ZBTB8OS: variants seen among roughly 807,000 people sequenced by gnomAD.
The protein encoded by ZBTB8OS is tRNA-splicing ligase-activating factor archease.
ZBTB8OS carries 16 observed loss-of-function variants against 29.3 expected under a neutral mutation model. The observed-to-expected ratio is 0.55, with a 90% CI of 0.37 to 0.83. ZBTB8OS has a LOEUF of 0.83. Ranked by LOEUF, ZBTB8OS falls within the 40% of genes least tolerant of loss-of-function variation. ZBTB8OS has a pLI of 0.00. For missense variants in ZBTB8OS, 160 were observed against 196.9 expected (o/e 0.81, Z 1.12); for synonymous variants, 70 against 64.6 (o/e 1.08, Z -0.40).
intron 1 of ZBTB8OS, among the ~76,000 whole-genome samples, chr1:32,639,736 G>C (rs965907036): frequency 6.6e-6 from 1 of 151,784 alleles, no homozygotes; most frequent in South Asian, 2.1e-4. Flanking sequence ...TTCCAGTGTG[G>C]GCAACAGAGT....
chr1:32,630,782 C>A (rs112437367), intron 5 of ZBTB8OS, among the ~76,000 whole-genome samples: 1 of 151,656 alleles, frequency 6.6e-6, no homozygotes, highest in Non-Finnish European at 1.5e-5. Context: ...AGGGCTGATG[C>A]GGGCAGATCA....
chr1:32,649,848 G>A (rs1365967063), intron 1 of ZBTB8OS, among the ~76,000 whole-genome samples: 1 of 152,058 alleles, frequency 6.6e-6, no homozygotes, highest in African/African-American at 2.4e-5. Flanking sequence ...ATTTTTAGTA[G>A]AGACGGGGTT....
At chr1:32,635,421 A>G (rs1645881446) in intron 1 of ZBTB8OS, among the ~76,000 whole-genome samples, 1 of 151,890 alleles carries the variant, frequency 6.6e-6, no homozygotes, top group Admixed American at 6.6e-5. Flanking sequence ...ACAGGCGCAC[A>G]CCACCACACC....
At chr1:32,643,061 G>A (rs1283456627) in intron 1 of ZBTB8OS, among the ~76,000 whole-genome samples, 4 of 123,506 alleles carry the variant, frequency 3.2e-5, no homozygotes, top group South Asian at 3.0e-4. Flanking sequence ...GTGAGCCACC[G>A]TGCCTGGCCT....
intron 1 of ZBTB8OS, among the ~76,000 whole-genome samples, chr1:32,646,846 G>C (rs148800934): frequency 0.039 from 5,590 of 144,144 alleles, 221 homozygotes; most frequent in East Asian, 0.12. Context: ...AGACCATCCT[G>C]GCCAGCATGG....
chr1:32,644,704 C>CTTTT (rs1190646557), intron 1 of ZBTB8OS, among the ~76,000 whole-genome samples: 85 of 105,576 alleles, frequency 8.1e-4, no homozygotes, highest in Non-Finnish European at 9.9e-4. Flanking sequence ...CCACACCCAG[C>CTTTT]TTTTTTTTTT....
chr1:32,649,298 A>C (rs1285406510), intron 1 of ZBTB8OS, among the ~76,000 whole-genome samples: 2 of 152,028 alleles, frequency 1.3e-5, no homozygotes, highest in African/African-American at 2.4e-5. Context: ...TTTAAGTGAG[A>C]GAAGGGGATA....
At chr1:32,646,084 C>A (rs181317157) in intron 1 of ZBTB8OS, among the ~76,000 whole-genome samples, 78 of 152,214 alleles carry the variant, frequency 5.1e-4, no homozygotes, top group African/African-American at 1.8e-3. Flanking sequence ...CTTTGGCAGG[C>A]CAAGGCAGAC....
chr1:32,636,788 GC>G (rs917931510), intron 1 of ZBTB8OS, among the ~76,000 whole-genome samples: 4 of 151,802 alleles, frequency 2.6e-5, no homozygotes, highest in African/African-American at 9.7e-5. Flanking sequence ...CTGAGAAAGA[GC>G]ATCATGGCCA....
intron 1 of ZBTB8OS, among the ~76,000 whole-genome samples, chr1:32,642,429 AG>A (rs1225265270): frequency 6.6e-6 from 1 of 151,370 alleles, no homozygotes; most frequent in Admixed American, 6.6e-5. Context: ...GCTTGAACCC[AG>A]GAGACAGAGG....
At chr1:32,634,240 T>A in intron 2 of ZBTB8OS, 168 bp from the exon 3 acceptor site, 1 of 481,814 alleles carries the variant, frequency 2.1e-6, no homozygotes, top group Non-Finnish European at 3.4e-6. Context: ...TTATTTATGA[T>A]TTTTTAGACT....
At chr1:32,624,893 C>CAA (rs751409126) in intron 6 of ZBTB8OS, among the ~76,000 whole-genome samples, 2 of 115,074 alleles carry the variant, frequency 1.7e-5, no homozygotes, top group Admixed American at 9.2e-5. Context: ...GACTCCATCT[C>CAA]AAAAAAAAAA....
At chr1:32,623,927 T>G (rs1644917605) in intron 6 of ZBTB8OS, among the ~76,000 whole-genome samples, 1 of 152,116 alleles carries the variant, frequency 6.6e-6, no homozygotes, top group Admixed American at 6.6e-5. Context: ...AGGGAGCAGG[T>G]GGAGATCATT....
chr1:32,625,294 A>G (rs546860843), intron 6 of ZBTB8OS, among the ~76,000 whole-genome samples: 2 of 151,878 alleles, frequency 1.3e-5, no homozygotes, highest in East Asian at 3.9e-4. Context: ...CTCTTTTGGG[A>G]GGCTGAGGTA....
At chr1:32,630,837 C>G (rs1340335487) in intron 5 of ZBTB8OS, among the ~76,000 whole-genome samples, 1 of 151,582 alleles carries the variant, frequency 6.6e-6, no homozygotes, top group Non-Finnish European at 1.5e-5. Flanking sequence ...CACAGTGAAA[C>G]CCCGTCTATA....
At chr1:32,638,230 C>CTTTTTTT (rs760775116) in intron 1 of ZBTB8OS, among the ~76,000 whole-genome samples, 1 of 102,152 alleles carries the variant, frequency 9.8e-6, no homozygotes, top group African/African-American at 3.9e-5. Context: ...CTCCAGAATT[C>CTTTTTTT]TTTTTTTTTT....
intron 2 of ZBTB8OS, 56 bp from the exon 3 acceptor site, chr1:32,634,128 T>C: frequency 1.5e-6 from 2 of 1,352,882 alleles, no homozygotes; most frequent in Non-Finnish European, 1.9e-6. Flanking sequence ...AAAGAAAATT[T>C]GATAGCAGGC....
At chr1:32,629,023 C>T (rs1419852888) in intron 5 of ZBTB8OS, among the ~76,000 whole-genome samples, 2 of 151,968 alleles carry the variant, frequency 1.3e-5, no homozygotes, top group Admixed American at 6.6e-5. Flanking sequence ...ATATAGTGTA[C>T]CTATGGTGGA....
chr1:32,636,086 G>A (rs1404724742), intron 1 of ZBTB8OS, among the ~76,000 whole-genome samples: 1 of 152,010 alleles, frequency 6.6e-6, no homozygotes, highest in East Asian at 1.9e-4. Flanking sequence ...CTCGTTATCT[G>A]GCTCAACCAG....
Sources: gnomAD v4.1 joint callset for allele counts (sites outside exome capture counted in the v4.1 genomes callset) on GRCh38, gnomAD v4.1.1 for gene constraint, MANE v1.5 for transcripts, NCBI Gene and HGNC (gene_info 2026-07-23, HGNC 2026-07-21) for gene names.